The following DSCAM variants were observed in gnomAD, a reference collection of about 807,000 sequenced individuals.
The protein encoded by DSCAM is DS cell adhesion molecule, also known as cell adhesion molecule DSCAM.
A neutral mutation model predicts 217.7 loss-of-function variants in DSCAM; 47 were observed. The ratio of observed to expected loss-of-function variants is 0.22; its 90% confidence interval spans 0.17 to 0.28. DSCAM has a LOEUF of 0.28. Ranked by LOEUF, DSCAM falls within the 10% of genes least tolerant of loss-of-function variation. The pLI is 1.00. For missense variants in DSCAM, 2,080 were observed against 2,618.3 expected (o/e 0.79, Z 4.49); for synonymous variants, 1,056 against 1,015.3 (o/e 1.04, Z -0.76).
At chr21:40,269,305 A>C (rs2073583301) in intron 11 of DSCAM, among the ~76,000 whole-genome samples, 1 of 152,170 alleles carries the variant, frequency 6.6e-6, no homozygotes, top group African/African-American at 2.4e-5. Context: ...CTTCTCCAGA[A>C]ACTCCTCAAA....
At chr21:40,122,093 G>A (rs2090041446) in intron 20 of DSCAM, among the ~76,000 whole-genome samples, 2 of 152,072 alleles carry the variant, frequency 1.3e-5, no homozygotes, top group Admixed American at 6.6e-5. Flanking sequence ...CTGGGGAAAT[G>A]CGTTTCTACC....
chr21:40,371,215 G>C (rs2074894780), intron 3 of DSCAM, among the ~76,000 whole-genome samples: 1 of 152,040 alleles, frequency 6.6e-6, no homozygotes, highest in Non-Finnish European at 1.5e-5. Flanking sequence ...GTATATTCCA[G>C]ATAATTTTGC....
chr21:40,412,869 A>G (rs1285741308), intron 3 of DSCAM, among the ~76,000 whole-genome samples: 1 of 152,208 alleles, frequency 6.6e-6, no homozygotes, highest in East Asian at 1.9e-4. Flanking sequence ...ACCTGAAGGA[A>G]AAAGTGGTTT....
intron 4 of DSCAM, among the ~76,000 whole-genome samples, chr21:40,363,987 T>C (rs376566937): frequency 2.0e-4 from 30 of 152,236 alleles, no homozygotes; most frequent in Middle Eastern, 3.4e-3. Context: ...GATACCATCT[T>C]ACACCAGTTA....
chr21:40,254,722 C>T (rs1433381860), intron 11 of DSCAM, among the ~76,000 whole-genome samples: 1 of 152,118 alleles, frequency 6.6e-6, no homozygotes, highest in Non-Finnish European at 1.5e-5. Context: ...CTTTCTGTGC[C>T]TCTCCAACTT....
At chr21:40,421,246 T>C (rs2075421192) in intron 3 of DSCAM, among the ~76,000 whole-genome samples, 1 of 152,156 alleles carries the variant, frequency 6.6e-6, no homozygotes, top group South Asian at 2.1e-4. Context: ...ATTCCTCACC[T>C]GGATTCACCT....
At chr21:40,640,926 G>A (rs555440957) in intron 3 of DSCAM, among the ~76,000 whole-genome samples, 6 of 152,220 alleles carry the variant, frequency 3.9e-5, no homozygotes, top group South Asian at 2.1e-4. Flanking sequence ...TACACAGTAC[G>A]TGAAAGCAAT....
At chr21:40,328,995 T>C (rs944175820) in intron 8 of DSCAM, among the ~76,000 whole-genome samples, 1 of 152,034 alleles carries the variant, frequency 6.6e-6, no homozygotes, top group Admixed American at 6.6e-5. Flanking sequence ...ATGGCTATTA[T>C]AAAAAACATG....
intron 3 of DSCAM, among the ~76,000 whole-genome samples, chr21:40,583,448 C>T (rs540545224): frequency 5.6e-4 from 85 of 152,126 alleles, no homozygotes; most frequent in Non-Finnish European, 1.1e-3. Flanking sequence ...ACATGGAACA[C>T]GAGCTGGTCC....
chr21:40,319,437 A>ATGTGTGTGTGTGTG (rs536367981), intron 8 of DSCAM, among the ~76,000 whole-genome samples: 22 of 151,600 alleles, frequency 1.5e-4, no homozygotes, highest in South Asian at 1.3e-3. Context: ...TCGTGTGTGC[A>ATGTGTGTGTGTGTG]TGTGTGTGTG....
chr21:40,663,236 A>G (rs930587390), intron 3 of DSCAM, among the ~76,000 whole-genome samples: 2 of 113,108 alleles, frequency 1.8e-5, no homozygotes, highest in African/African-American at 7.0e-5. Context: ...GGGGGAATAT[A>G]AGCATGTGAG....
At chr21:40,815,356 A>T (rs1423275150) in intron 1 of DSCAM, among the ~76,000 whole-genome samples, 1 of 152,092 alleles carries the variant, frequency 6.6e-6, no homozygotes, top group African/African-American at 2.4e-5. Context: ...GGGCTGACAC[A>T]GATAATGCCT....
At chr21:40,048,085 C>A (rs116965574) in intron 30 of DSCAM, among the ~76,000 whole-genome samples, 1 of 152,156 alleles carries the variant, frequency 6.6e-6, no homozygotes, top group Non-Finnish European at 1.5e-5. Context: ...CTGGCTGTGT[C>A]GCTGGCCAAG....
intron 3 of DSCAM, among the ~76,000 whole-genome samples, chr21:40,682,209 A>G (rs7283122): frequency 0.47 from 70,929 of 151,744 alleles, 16,902 homozygotes; most frequent in Admixed American, 0.58. Context: ...GGGAGTGAAT[A>G]AGCAGGACCA....
chr21:40,512,237 T>G (rs1024685675), intron 3 of DSCAM, among the ~76,000 whole-genome samples: 1 of 152,090 alleles, frequency 6.6e-6, no homozygotes, highest in Non-Finnish European at 1.5e-5. Context: ...TGAACCTTGT[T>G]CTTTCTTACA....
At chr21:40,821,469 C>G (rs2091927850) in intron 1 of DSCAM, among the ~76,000 whole-genome samples, 1 of 152,036 alleles carries the variant, frequency 6.6e-6, no homozygotes, top group Admixed American at 6.6e-5. Flanking sequence ...TGCAGGACAG[C>G]ACTGATCCAT....
chr21:40,569,767 G>C (rs1470857499), intron 3 of DSCAM, among the ~76,000 whole-genome samples: 3 of 152,148 alleles, frequency 2.0e-5, no homozygotes, highest in African/African-American at 7.2e-5. Context: ...AATTAGAAAT[G>C]ACTTCTTTAG....
chr21:40,501,447 T>C (rs1202489464), intron 3 of DSCAM, among the ~76,000 whole-genome samples: 1 of 152,162 alleles, frequency 6.6e-6, no homozygotes, highest in Admixed American at 6.5e-5. Flanking sequence ...GAGTCCTCCA[T>C]TTTTAAAAAT....
chr21:40,294,414 TA>T (rs1024901143), intron 10 of DSCAM, among the ~76,000 whole-genome samples: 6 of 152,036 alleles, frequency 3.9e-5, no homozygotes, highest in African/African-American at 1.4e-4. Flanking sequence ...AAAGACTATT[TA>T]AAAAAAATGT....
Sources: allele counts gnomAD v4.1 joint callset (sites outside exome capture counted in the v4.1 genomes callset), GRCh38; gene constraint gnomAD v4.1.1; transcripts MANE v1.5; gene names NCBI Gene and HGNC (gene_info 2026-07-23, HGNC 2026-07-21).